Variants in MDGA2 observed in about 807,000 individuals in gnomAD.
MDGA2 encodes MAM domain containing glycosylphosphatidylinositol anchor 2, also known as MAM domain-containing glycosylphosphatidylinositol anchor protein 2.
MDGA2 carries 40 observed loss-of-function variants against 117.8 expected under a neutral mutation model. The observed-to-expected ratio is 0.34, with a 90% CI of 0.26 to 0.44. The LOEUF is 0.44. Ranked by LOEUF, MDGA2 falls within the 20% of genes least tolerant of loss-of-function variation. The pLI, the probability that MDGA2 is intolerant of heterozygous loss-of-function variation, is 1.00. For missense variants in MDGA2, 1,123 were observed against 1,250.6 expected (o/e 0.90, Z 1.54); for synonymous variants, 452 against 439.0 (o/e 1.03, Z -0.37).
rs113003388 is a variant in MDGA2, at chr14:47,248,439, A to C, written c.421-30244T>G. Reference sequence around the variant, plus strand: ...ATGAAAGAAGACAATTTTTTCTGTGAATTTGCAGAAAATCATTGCTAGATA... The same window carrying C: ...ATGAAAGAAGACAATTTTTTCTGTGCATTTGCAGAAAATCATTGCTAGATA... On this transcript the variant is annotated intron_variant, in intron 2 of 16. Coordinates refer to ENST00000399232, the MANE Select transcript of MDGA2 (RefSeq NM_001113498.3). Among the ~76,000 whole-genome samples, 157 of 151,794 alleles carry C rather than the reference A, an allele frequency of 1.0e-3. 3 individuals are homozygous for C. The highest frequency in any genetic ancestry group is 3.7e-3 in the African/African-American group (153 of 41,530).
At chr14:47,412,638 A>G (rs539325202) in intron 1 of MDGA2, among the ~76,000 whole-genome samples, 13 of 152,240 alleles carry the variant, frequency 8.5e-5, no homozygotes, top group Non-Finnish European at 1.6e-4. Context: ...CAGATAATGT[A>G]TAAATTCTGT....
chr14:47,318,979 G>T (rs1221262367), intron 1 of MDGA2, among the ~76,000 whole-genome samples: 1 of 152,038 alleles, frequency 6.6e-6, no homozygotes, highest in East Asian at 1.9e-4. Context: ...TATCTCTTAT[G>T]GTAAGATAAG....
chr14:47,153,399 T>C (rs1883237163), intron 3 of MDGA2, among the ~76,000 whole-genome samples: 1 of 152,134 alleles, frequency 6.6e-6, no homozygotes, highest in Non-Finnish European at 1.5e-5. Context: ...ATTTGGCAGT[T>C]GGGTAGACAG....
At chr14:47,163,535 T>C (rs1326461562) in intron 3 of MDGA2, among the ~76,000 whole-genome samples, 3 of 152,138 alleles carry the variant, frequency 2.0e-5, no homozygotes, top group Non-Finnish European at 1.5e-5. Flanking sequence ...CCGCCATCCA[T>C]GCAAGATATG....
chr14:47,426,711 T>TAC (rs529363021), intron 1 of MDGA2, among the ~76,000 whole-genome samples: 6,452 of 148,384 alleles, frequency 0.043, 188 homozygotes, highest in Middle Eastern at 0.071. Flanking sequence ...TATATATATA[T>TAC]ACATATATGT....
intron 1 of MDGA2, among the ~76,000 whole-genome samples, chr14:47,518,801 A>G (rs1168677444): frequency 2.0e-5 from 3 of 152,204 alleles, no homozygotes; most frequent in Admixed American, 1.3e-4. Context: ...TCAAACACAC[A>G]TTCAGGAGAC....
intron 1 of MDGA2, among the ~76,000 whole-genome samples, chr14:47,328,307 GCTATGAAATC>G (rs1566740794): frequency 6.6e-6 from 1 of 152,098 alleles, no homozygotes; most frequent in East Asian, 1.9e-4. Flanking sequence ...TTTGTCAACT[GCTATGAAATC>G]CTATATTTCT....
chr14:47,082,454 T>A (rs1890742289), intron 6 of MDGA2, among the ~76,000 whole-genome samples: 5 of 151,662 alleles, frequency 3.3e-5, no homozygotes, highest in Admixed American at 3.3e-4. Context: ...TGGTCCAGAG[T>A]ACTCGACTGG....
chr14:47,583,905 T>G (rs1896273795), intron 1 of MDGA2, among the ~76,000 whole-genome samples: 1 of 151,790 alleles, frequency 6.6e-6, no homozygotes, highest in African/African-American at 2.4e-5. Flanking sequence ...TTTAGTTATG[T>G]AAAGGGAAGA....
intron 1 of MDGA2, among the ~76,000 whole-genome samples, chr14:47,460,810 G>T (rs1950778106): frequency 6.6e-6 from 1 of 152,034 alleles, no homozygotes; most frequent in South Asian, 2.1e-4. Context: ...TGTTCGCCTT[G>T]GAATGACTCT....
intron 7 of MDGA2, among the ~76,000 whole-genome samples, chr14:47,037,767 T>G (rs1888909245): frequency 6.6e-6 from 1 of 152,040 alleles, no homozygotes. Flanking sequence ...AACCTCAAAA[T>G]AAATATCCAA....
chr14:47,250,848 C>T (rs926306924), intron 2 of MDGA2, among the ~76,000 whole-genome samples: 2 of 152,050 alleles, frequency 1.3e-5, no homozygotes, highest in African/African-American at 4.8e-5. Context: ...ATTCCTTGGC[C>T]CTTTGTCCAT....
In MDGA2 at chr14:46,841,203, C is replaced by G. The variant is rs1880596517; in HGVS notation, c.*728G>C. The G allele has an allele frequency of 6.6e-6, 1 of 152,484 alleles. No homozygotes were observed. The highest frequency in any genetic ancestry group is 1.5e-5 in the Non-Finnish European group (1 of 68,010). 9.4% of individuals were successfully genotyped at this position (152,484 alleles called of 1,614,324 possible). A position where few individuals can be genotyped will look rare whatever the true frequency, so the allele number is the denominator to read the frequency against. On this transcript the variant is annotated 3_prime_UTR_variant, in exon 17 of 17. Coordinates refer to ENST00000399232, the MANE Select transcript of MDGA2 (RefSeq NM_001113498.3). ...GTTTGGGTGTTCAAGTGGCCGCAAG[C>G]AAACTCCGATAAGCCTGTGTAACAT... is the stretch of plus-strand genomic sequence containing the variant.
chr14:46,976,139 G>T (rs1433741051), intron 8 of MDGA2, among the ~76,000 whole-genome samples: 1 of 152,132 alleles, frequency 6.6e-6, no homozygotes, highest in East Asian at 1.9e-4. Context: ...ATGGATGACA[G>T]TGTTGGATAC....
At chr14:47,415,074 A>G (rs571167862) in intron 1 of MDGA2, among the ~76,000 whole-genome samples, 3 of 152,144 alleles carry the variant, frequency 2.0e-5, no homozygotes, top group Non-Finnish European at 4.4e-5. Flanking sequence ...TAATGTTACT[A>G]TTCTGATGTG....
chr14:46,960,789 TATAG>T (rs946035938), intron 8 of MDGA2, among the ~76,000 whole-genome samples: 1 of 145,310 alleles, frequency 6.9e-6, no homozygotes, highest in African/African-American at 2.7e-5. Flanking sequence ...ATTATACATA[TATAG>T]AATTATACAT....
At chr14:47,210,472 G>GA (rs992114131) in intron 3 of MDGA2, among the ~76,000 whole-genome samples, 93 of 152,190 alleles carry the variant, frequency 6.1e-4, no homozygotes, top group African/African-American at 1.7e-3. Context: ...AAGAATAAGT[G>GA]AAAAAATTAG....
At chr14:47,352,039 G>C (rs1032954612) in intron 1 of MDGA2, among the ~76,000 whole-genome samples, 1 of 151,782 alleles carries the variant, frequency 6.6e-6, no homozygotes, top group Non-Finnish European at 1.5e-5. Context: ...CCTGAGTTTT[G>C]GTTTCCTCTT....
At chr14:46,875,983 A>C (rs1361390679) in intron 12 of MDGA2, among the ~76,000 whole-genome samples, 2 of 151,618 alleles carry the variant, frequency 1.3e-5, no homozygotes, top group Non-Finnish European at 3.0e-5. Flanking sequence ...TCTATACAAT[A>C]ATTTTTGAGA....
Sources: gnomAD v4.1 joint callset for allele counts (sites outside exome capture counted in the v4.1 genomes callset) on GRCh38, gnomAD v4.1.1 for gene constraint, MANE v1.5 for transcripts, NCBI Gene and HGNC (gene_info 2026-07-23, HGNC 2026-07-21) for gene names.